The following SPOCK1 variants were observed in gnomAD, a reference collection of about 807,000 sequenced individuals.
SPOCK1 encodes the protein testican-1.
In SPOCK1, 23 loss-of-function variants were observed where a neutral mutation model predicts 55.3. The ratio of observed to expected loss-of-function variants is 0.42; its 90% CI spans 0.30 to 0.59. SPOCK1 has a LOEUF of 0.59. Ranked by LOEUF, SPOCK1 falls within the 20% of genes least tolerant of loss-of-function variation. SPOCK1 has a pLI of 0.22. For synonymous variants in SPOCK1, 226 were observed against 221.0 expected, an observed-to-expected ratio of 1.02 and a Z score of -0.20; for missense variants, 499 against 552.5, an observed-to-expected ratio of 0.90 and a Z score of 0.97.
intron 2 of SPOCK1, among the ~76,000 whole-genome samples, chr5:137,477,028 C>T (rs6596385): frequency 0.66 from 100,000 of 152,074 alleles, 33,253 homozygotes; most frequent in African/African-American, 0.75. Context: ...ATTTAATCAC[C>T]GAAAATGTTC....
intron 3 of SPOCK1, among the ~76,000 whole-genome samples, chr5:137,224,287 T>C (rs1359838494): frequency 3.3e-5 from 5 of 152,216 alleles, no homozygotes; most frequent in African/African-American, 1.2e-4. Context: ...ATGTCTCCAA[T>C]ATAAATCTGG....
intron 6 of SPOCK1, among the ~76,000 whole-genome samples, chr5:137,058,620 A>G (rs190630696): frequency 1.3e-5 from 2 of 152,240 alleles, no homozygotes; most frequent in African/African-American, 4.8e-5. Context: ...ACAATAAAGA[A>G]AAAAGGTAAG....
intron 9 of SPOCK1, among the ~76,000 whole-genome samples, chr5:136,979,756 A>G (rs2126956776): frequency 6.6e-6 from 1 of 152,320 alleles, no homozygotes; most frequent in Middle Eastern, 3.4e-3. Context: ...TTACATATGT[A>G]TGTGTATATA....
chr5:137,284,498 G>A (rs1049808364), intron 2 of SPOCK1, among the ~76,000 whole-genome samples: 2 of 152,216 alleles, frequency 1.3e-5, no homozygotes, highest in Non-Finnish European at 2.9e-5. Context: ...GGAGAGGGGA[G>A]AAGAACTGAA....
intron 3 of SPOCK1, among the ~76,000 whole-genome samples, chr5:137,219,411 C>T (rs1021461124): frequency 7.9e-5 from 12 of 152,268 alleles, no homozygotes; most frequent in African/African-American, 2.4e-4. Context: ...CAGACATCTC[C>T]GCTGCTAGAA....
intron 6 of SPOCK1, among the ~76,000 whole-genome samples, chr5:137,029,981 G>A (rs1011216996): frequency 4.6e-5 from 7 of 152,210 alleles, no homozygotes; most frequent in African/African-American, 1.7e-4. Flanking sequence ...AATCATGTGG[G>A]CTGGGAGGCT....
chr5:137,302,307 C>T (rs191583335), intron 2 of SPOCK1, among the ~76,000 whole-genome samples: 538 of 152,082 alleles, frequency 3.5e-3, no homozygotes, highest in Non-Finnish European at 5.8e-3. Flanking sequence ...CGGTGGCTCA[C>T]GCCTGTAATC....
chr5:137,022,845 A>G lies in SPOCK1; in HGVS notation c.590-30245T>C, dbSNP rs530888765. 7.9e-5 allele frequency among the ~76,000 whole-genome samples: 12 copies of G among 152,224 alleles called. No individual in the cohort carries two copies. The South Asian group carries it at 1.9e-3, about 24-fold the overall frequency. On this transcript the variant is annotated intron_variant, in intron 6 of 10. Coordinates refer to ENST00000394945, the MANE Select transcript of SPOCK1 (RefSeq NM_004598.4). ...TCTTCCAGACCTCTTCCATTCCTATATGGGCCATAGATAGAATTCTCCACT... is the reference window on the plus strand; with the variant it reads ...TCTTCCAGACCTCTTCCATTCCTATGTGGGCCATAGATAGAATTCTCCACT...
intron 2 of SPOCK1, among the ~76,000 whole-genome samples, chr5:137,346,957 C>T (rs145576372): frequency 4.5e-4 from 68 of 152,284 alleles, no homozygotes; most frequent in African/African-American, 1.5e-3. Flanking sequence ...TACCAGCCAA[C>T]GGCACCTCCT....
At chr5:137,368,952 G>A (rs1298608461) in intron 2 of SPOCK1, among the ~76,000 whole-genome samples, 1 of 152,214 alleles carries the variant, frequency 6.6e-6, no homozygotes, top group East Asian at 1.9e-4. Context: ...CATTTCTTTT[G>A]TGTTGAAGGA....
At chr5:137,417,341 T>C (rs1752358808) in intron 2 of SPOCK1, among the ~76,000 whole-genome samples, 1 of 151,624 alleles carries the variant, frequency 6.6e-6, no homozygotes, top group Non-Finnish European at 1.5e-5. Context: ...TCTTTTTTTT[T>C]TTTTTTTTCA....
intron 2 of SPOCK1, among the ~76,000 whole-genome samples, chr5:137,347,805 G>T (rs184038475): frequency 6.6e-6 from 1 of 151,942 alleles, no homozygotes; most frequent in Admixed American, 6.5e-5. Flanking sequence ...CCAGAGCCAC[G>T]CCTCCTCTGG....
rs376205788 is a variant in SPOCK1 at position 137,399,425 on chromosome 5, T to C, written c.186+98948A>G. On this transcript the variant is annotated intron_variant, in intron 2 of 10. Coordinates refer to ENST00000394945, the MANE Select transcript of SPOCK1 (RefSeq NM_004598.4). ...TTGCTTTATTGAGGTATGACTGACA[T>C]ACAAAAATCTGTCAGCGTTTAATCT... Among the ~76,000 whole-genome samples, 6 of 152,156 alleles carry C rather than the reference T, an allele frequency of 3.9e-5. No individual in the cohort carries two copies. In the East Asian group the frequency reaches 5.8e-4, roughly 15 times the overall value.
chr5:137,086,850 C>T (rs1424994061), intron 5 of SPOCK1, among the ~76,000 whole-genome samples: 5 of 152,040 alleles, frequency 3.3e-5, no homozygotes, highest in African/African-American at 1.2e-4. Context: ...AAGTGCCCTC[C>T]CTTCTACTAA....
chr5:137,400,154 C>A (rs541611006), intron 2 of SPOCK1, among the ~76,000 whole-genome samples: 30 of 152,304 alleles, frequency 2.0e-4, no homozygotes, highest in African/African-American at 7.0e-4. Context: ...TCAGTGTGTG[C>A]ATCATAAGGT....
At chr5:137,033,965 T>A (rs770281873) in intron 6 of SPOCK1, among the ~76,000 whole-genome samples, 4 of 152,210 alleles carry the variant, frequency 2.6e-5, no homozygotes, top group Non-Finnish European at 4.4e-5. Flanking sequence ...AATAGTATCA[T>A]CACAGTCCAT....
intron 3 of SPOCK1, among the ~76,000 whole-genome samples, chr5:137,145,643 A>G (rs1337400270): frequency 6.6e-6 from 1 of 152,224 alleles, no homozygotes; most frequent in Non-Finnish European, 1.5e-5. Flanking sequence ...GCTAAAGGTG[A>G]ATACAAAGAG....
intron 2 of SPOCK1, among the ~76,000 whole-genome samples, chr5:137,310,019 C>A (rs995336594): frequency 1.3e-5 from 2 of 152,094 alleles, no homozygotes; most frequent in African/African-American, 4.8e-5. Context: ...TGTACAATAA[C>A]CCCAGAGGCA....
At chr5:137,196,758 C>T (rs1755306777) in intron 3 of SPOCK1, among the ~76,000 whole-genome samples, 1 of 152,142 alleles carries the variant, frequency 6.6e-6, no homozygotes, top group Non-Finnish European at 1.5e-5. Flanking sequence ...TTAATGTTTC[C>T]CACTGAACTA....
Sources: gnomAD v4.1 joint callset for allele counts (sites outside exome capture counted in the v4.1 genomes callset) on GRCh38, gnomAD v4.1.1 for gene constraint, MANE v1.5 for transcripts, NCBI Gene and HGNC (gene_info 2026-07-23, HGNC 2026-07-21) for gene names.